NSUN6: variants seen among roughly 807,000 people sequenced by gnomAD.
NSUN6 encodes NOP2/Sun RNA methyltransferase 6.
A neutral mutation model predicts 58.0 loss-of-function variants in NSUN6; 64 were observed. The observed-to-expected ratio is 1.10, with a 90% CI of 0.90 to 1.36. The LOEUF (loss-of-function observed/expected upper bound fraction) is 1.36. Ranked by LOEUF, NSUN6 falls within the 40% of genes most tolerant of loss-of-function variation. The pLI is 0.00. For synonymous variants in NSUN6, 231 were observed against 193.9 expected, an observed-to-expected ratio of 1.19 and a Z score of -1.59; for missense variants, 701 against 550.1, an observed-to-expected ratio of 1.27 and a Z score of -2.74.
intron 3 of NSUN6, among the ~76,000 whole-genome samples, chr10:18,628,380 C>G (rs2058902820): frequency 6.6e-6 from 1 of 152,162 alleles, no homozygotes; most frequent in Non-Finnish European, 1.5e-5. Flanking sequence ...AGTTCCTCAC[C>G]AGCAATGGAA....
At chr10:18,649,670 T>C (rs2059649082) in intron 1 of NSUN6, among the ~76,000 whole-genome samples, 1 of 151,636 alleles carries the variant, frequency 6.6e-6, no homozygotes, top group African/African-American at 2.4e-5. Flanking sequence ...TTCCTTTCCC[T>C]TCAGTACTTT....
At chr10:18,642,971 T>G (rs2059432279) in intron 2 of NSUN6, among the ~76,000 whole-genome samples, 2 of 152,060 alleles carry the variant, frequency 1.3e-5, no homozygotes, top group African/African-American at 4.8e-5. Context: ...ATGTCAGCTT[T>G]GGTGAGGAAA....
intron 3 of NSUN6, among the ~76,000 whole-genome samples, chr10:18,638,083 T>G (rs369042255): frequency 6.6e-6 from 1 of 152,114 alleles, no homozygotes. Flanking sequence ...AAAACCTAAG[T>G]GAACTATCTT....
chr10:18,607,619 C>T (rs2058089288), intron 6 of NSUN6, among the ~76,000 whole-genome samples: 1 of 152,180 alleles, frequency 6.6e-6, no homozygotes, highest in South Asian at 2.1e-4. Context: ...AAGCCCTTAC[C>T]CCCTGAACTT....
chr10:18,658,219 C>T (rs866054085), upstream of NSUN6: 2 of 152,188 alleles, frequency 1.3e-5, no homozygotes, highest in African/African-American at 4.8e-5. Context: ...TGAAACTTGC[C>T]TTTAATGTTG....
rs1487679670 is a variant in NSUN6 at position 18,600,941 on chromosome 10, A to AAATATATAT, written c.658-4615_658-4614insATATATATT. The stretch of plus-strand genomic sequence containing the variant: ...AGACTCCATCTCAAAAAAAAAAAAA[A>AAATATATAT]ATATATATATATATATATACATATA... On this transcript the variant is annotated intron_variant, in intron 6 of 10. Coordinates refer to ENST00000377304, the MANE Select transcript of NSUN6 (RefSeq NM_182543.5). 2.8e-4 allele frequency among the ~76,000 whole-genome samples: 12 copies of AAATATATAT among 43,542 alleles called. 1 individual carries two copies. In the South Asian group the frequency reaches 3.1e-3, roughly 11 times the overall value. The allele number at this position is 43,542 out of a possible 152,430, so 28.6% of individuals were successfully genotyped here.
At position 18,590,317 on chromosome 10, in the gene NSUN6, T is replaced by TA. The variant is rs758296343; in HGVS notation, c.778-4225_778-4224insT. ...CTCCCACACAATAATAGTGGGAGAC[T>TA]TTAACACCCTACTGTTAATAGTAGA... On this transcript the variant is annotated intron_variant, in intron 7 of 10. Coordinates refer to ENST00000377304, the MANE Select transcript of NSUN6 (RefSeq NM_182543.5). Among the ~76,000 whole-genome samples the TA allele has an allele frequency of 1.3e-3, 193 of 152,328 alleles. 1 individual carries two copies. Among genetic ancestry groups the TA allele is most frequent in the Non-Finnish European group, 1.7e-3 (116 of 68,032 alleles).
rs533742857 is a variant in NSUN6 at position 18,597,170 on chromosome 10, C to T, written c.658-843G>A. 3.3e-5 allele frequency among the ~76,000 whole-genome samples: 5 copies of T among 152,226 alleles called. No homozygotes were observed. The South Asian group carries it at 1.0e-3, about 32-fold the overall frequency. On this transcript the variant is annotated intron_variant, in intron 6 of 10. Coordinates refer to ENST00000377304, the MANE Select transcript of NSUN6 (RefSeq NM_182543.5). ...ACATACCTCATCTATAGCAGTAAGT[C>T]ATATTAAATCATTAATTTGTTATTA...
At chr10:18,570,639 T>A (rs569535847) in intron 8 of NSUN6, among the ~76,000 whole-genome samples, 22 of 150,334 alleles carry the variant, frequency 1.5e-4, no homozygotes, top group African/African-American at 5.4e-4. Context: ...CATTCCATTC[T>A]CCATACCATC....
chr10:18,605,409 T>C (rs1044432256), intron 6 of NSUN6, among the ~76,000 whole-genome samples: 3 of 152,154 alleles, frequency 2.0e-5, no homozygotes, highest in African/African-American at 4.8e-5. Flanking sequence ...TCCTCTTATA[T>C]TGAAGTGCCC....
chr10:18,608,607 C>T (rs562584477), intron 6 of NSUN6, among the ~76,000 whole-genome samples: 5 of 138,406 alleles, frequency 3.6e-5, no homozygotes, highest in South Asian at 2.6e-4. Context: ...CCACTGCACT[C>T]GAGCCTGCGT....
intron 3 of NSUN6, among the ~76,000 whole-genome samples, chr10:18,622,960 C>T (rs2058664803): frequency 6.6e-6 from 1 of 152,140 alleles, no homozygotes; most frequent in Admixed American, 6.5e-5. Flanking sequence ...CCAAATGTAG[C>T]CTTTAGAAAA....
At chr10:18,600,308 C>A (rs887601809) in intron 6 of NSUN6, among the ~76,000 whole-genome samples, 2 of 152,172 alleles carry the variant, frequency 1.3e-5, no homozygotes, top group South Asian at 4.1e-4. Context: ...CTGTCCTGTA[C>A]AATAATTTCA....
At chr10:18,630,312 A>C (rs1013936956) in intron 3 of NSUN6, among the ~76,000 whole-genome samples, 1 of 150,650 alleles carries the variant, frequency 6.6e-6, no homozygotes, top group African/African-American at 2.4e-5. Flanking sequence ...GGAAAGATCC[A>C]AAATTGACAC....
At chr10:18,620,875 G>C (rs1486467782) in intron 3 of NSUN6, among the ~76,000 whole-genome samples, 2 of 152,122 alleles carry the variant, frequency 1.3e-5, no homozygotes, top group Admixed American at 6.6e-5. Flanking sequence ...TCAAAAACAT[G>C]TTTTGTGGAA....
At chr10:18,656,041 C>T (rs568841338), upstream of NSUN6, among the ~76,000 whole-genome samples, 22 of 152,254 alleles carry the variant, frequency 1.4e-4, no homozygotes, top group Admixed American at 1.4e-3. Context: ...AACATTTTAT[C>T]AATACACTTT....
At chr10:18,567,661 TGCATTCCATTCC>T (rs1011935173) in intron 8 of NSUN6, among the ~76,000 whole-genome samples, 20 of 151,012 alleles carry the variant, frequency 1.3e-4, no homozygotes, top group South Asian at 4.2e-4. Flanking sequence ...CATTCCTCAT[TGCATTCCATTCC>T]GCATTCCATT....
At chr10:18,611,345 A>G (rs1422328916) in intron 5 of NSUN6, among the ~76,000 whole-genome samples, 1 of 152,120 alleles carries the variant, frequency 6.6e-6, no homozygotes, top group Admixed American at 6.5e-5. Flanking sequence ...AGCTTATGGA[A>G]CAGTTTATGA....
intron 1 of NSUN6, among the ~76,000 whole-genome samples, chr10:18,650,029 CA>C (rs1356809810): frequency 4.0e-5 from 6 of 151,590 alleles, no homozygotes; most frequent in South Asian, 4.2e-4. Flanking sequence ...CTAAAGATTT[CA>C]AAAAAAACAA....
Sources: allele counts gnomAD v4.1 joint callset (sites outside exome capture counted in the v4.1 genomes callset), GRCh38; gene constraint gnomAD v4.1.1; transcripts MANE v1.5; gene names NCBI Gene and HGNC (gene_info 2026-07-23, HGNC 2026-07-21).